Variants in SLC7A7 observed in about 807,000 individuals in gnomAD.
SLC7A7 encodes solute carrier family 7 member 7.
In SLC7A7, 39 loss-of-function variants were observed where a neutral mutation model predicts 47.9. The observed-to-expected ratio is 0.81, with a 90% CI of 0.63 to 1.06. The LOEUF is 1.06. Among genes scored for constraint, SLC7A7 ranks in the 50% least tolerant of loss-of-function variants. The pLI, the probability that SLC7A7 is intolerant of heterozygous loss-of-function variation, is 0.00. For missense variants in SLC7A7, 588 were observed against 632.0 expected (o/e 0.93, Z 0.75); for synonymous variants, 234 against 242.8 (o/e 0.96, Z 0.34).
At chr14:22,798,361 T>C (rs769787554) in intron 2 of SLC7A7, among the ~76,000 whole-genome samples, 2 of 151,960 alleles carry the variant, frequency 1.3e-5, no homozygotes, top group African/African-American at 4.8e-5. Flanking sequence ...AAGAGGAAAC[T>C]GAGGCTAATA....
In SLC7A7 at chr14:22,778,823, T is replaced by C. The variant is rs765105909; in HGVS notation, c.740A>G (p.Tyr247Cys). Residue 247 changes from tyrosine (Y) to cysteine (C), a missense_variant, in exon 4 of 10, where the codon TAT becomes TGT. Physicochemically the swap from Tyr to Cys is radical, Grantham distance 194. Transcript: ENST00000674313. ...FSYSGWDTLN[Y>C]VTEEIKNPER... ...AGGATTCTTGATCTCTTCAGTGACATAGTTGAGGGTGTCCCAGCCTGAGTA... is the reference window on the plus strand; with the variant it reads ...AGGATTCTTGATCTCTTCAGTGACACAGTTGAGGGTGTCCCAGCCTGAGTA... 4 of 1,614,056 alleles carry C rather than the reference T, an allele frequency of 2.5e-6. No homozygotes were observed. The highest frequency in any genetic ancestry group is 1.3e-5 in the African/African-American group (1 of 74,914).
intron 2 of SLC7A7, among the ~76,000 whole-genome samples, chr14:22,806,111 T>C: frequency 1.2e-5 from 1 of 82,058 alleles, no homozygotes. Flanking sequence ...ATAGCGAGAC[T>C]CTGTCTCAAA....
chr14:22,789,138 C>T (rs1366893640), intron 2 of SLC7A7, among the ~76,000 whole-genome samples: 1 of 152,202 alleles, frequency 6.6e-6, no homozygotes, highest in Non-Finnish European at 1.5e-5. Context: ...CCAGATTTAA[C>T]TTACAAGCCT....
chr14:22,786,926 AT>A, intron 2 of SLC7A7, among the ~76,000 whole-genome samples: 1 of 152,228 alleles, frequency 6.6e-6, no homozygotes, highest in East Asian at 1.9e-4. Context: ...ACACAGTAAG[AT>A]CCTTTCTCCA....
chr14:22,775,641 A>T (rs1201352075), intron 6 of SLC7A7, 101 bp from the exon 7 acceptor site: 6 of 1,066,302 alleles, frequency 5.6e-6, no homozygotes. Context: ...CCTTCCTTCA[A>T]AAGTATTTGG....
chr14:22,810,013 T>C (rs1202156015), intron 2 of SLC7A7, among the ~76,000 whole-genome samples: 1 of 111,564 alleles, frequency 9.0e-6, no homozygotes, highest in Non-Finnish European at 1.7e-5. Context: ...CACTCCAGCC[T>C]GGGCAACAAG....
chr14:22,792,283 C>A (rs551887175), intron 2 of SLC7A7, among the ~76,000 whole-genome samples: 1 of 152,300 alleles, frequency 6.6e-6, no homozygotes, highest in South Asian at 2.1e-4. Flanking sequence ...ACCTTTTACT[C>A]CAGGTGCAGT....
In SLC7A7 at chr14:22,788,735, C is replaced by T. The variant is rs115168652; in HGVS notation, c.500-8684G>A. ...AAAAAAAAAAAAAGTGAACAATCTA[C>T]GACTACAGACAAAAATACAGAAGAA... On this transcript the variant is annotated intron_variant, in intron 2 of 9. Coordinates refer to ENST00000674313, the MANE Select transcript of SLC7A7 (RefSeq NM_003982.4). 1.9e-3 allele frequency among the ~76,000 whole-genome samples: 287 copies of T among 149,590 alleles called. 3 individuals carry two copies. Among genetic ancestry groups the T allele is most frequent in the African/African-American group, 4.6e-3 (188 of 40,814 alleles).
chr14:22,780,068 ACT>A lies in SLC7A7; in HGVS notation c.500-19_500-18del. The A allele has an allele frequency of 1.2e-6, 2 of 1,613,696 alleles. No individual in the cohort carries two copies. The highest frequency in any genetic ancestry group is 1.7e-6 in the Non-Finnish European group (2 of 1,179,768). On this transcript the variant is annotated intron_variant, in intron 2 of 9. Transcript: ENST00000674313. Reference sequence around the variant, plus strand: ...TTAAGAGACCTGAAAGAAAAATAATACTGATTGGTGACTTACCCTTACCACCC... The same window carrying A: ...TTAAGAGACCTGAAAGAAAAATAATAGATTGGTGACTTACCCTTACCACCC...
At chr14:22,819,324 A>G (rs2039446160), upstream of SLC7A7, among the ~76,000 whole-genome samples, 1 of 151,054 alleles carries the variant, frequency 6.6e-6, no homozygotes, top group African/African-American at 2.4e-5. Flanking sequence ...AGATTTCCCC[A>G]TCACTCCAAG....
rs199558705 is a variant in SLC7A7, at chr14:22,788,705, GAA to G, written c.500-8656_500-8655del. ...GGCGACAGAGTGAGACTCTGTCTGG[GAA>G]AAAAAAAAAAAAAAAGTGAACAATC... On this transcript the variant is annotated intron_variant, in intron 2 of 9. Coordinates refer to ENST00000674313, the MANE Select transcript of SLC7A7 (RefSeq NM_003982.4). Among the ~76,000 whole-genome samples the G allele has an allele frequency of 4.0e-3, 471 of 118,798 alleles. 3 individuals carry two copies. Among genetic ancestry groups the G allele is most frequent in the African/African-American group, 0.013 (441 of 33,466 alleles). The allele number at this position is 118,798 out of a possible 152,430, so 77.9% of individuals were successfully genotyped here.
chr14:22,790,736 A>C (rs2038909303), intron 2 of SLC7A7, among the ~76,000 whole-genome samples: 1 of 152,140 alleles, frequency 6.6e-6, no homozygotes, highest in Non-Finnish European at 1.5e-5. Flanking sequence ...ACAGTGGCTC[A>C]TGCCTGTAAT....
intron 1 of SLC7A7, chr14:22,815,094 A>T (rs2039384891): frequency 2.9e-6 from 1 of 347,632 alleles, no homozygotes; most frequent in Admixed American, 3.8e-5. Context: ...TGCTGGAGAG[A>T]TATCACCCCG....
intron 5 of SLC7A7, 99 bp from the exon 6 acceptor site, chr14:22,776,035 T>C (rs2038598560): frequency 7.0e-7 from 1 of 1,421,672 alleles, no homozygotes; most frequent in East Asian, 2.3e-5. Flanking sequence ...TATTCCAACC[T>C]TTCTTCCACA....
chr14:22,781,205 C>G (rs2038713868), intron 2 of SLC7A7, among the ~76,000 whole-genome samples: 1 of 152,178 alleles, frequency 6.6e-6, no homozygotes, highest in African/African-American at 2.4e-5. Context: ...TAGTACAGTT[C>G]TTGCCTACTT....
At chr14:22,784,109 A>G (rs1210896512) in intron 2 of SLC7A7, among the ~76,000 whole-genome samples, 1 of 152,216 alleles carries the variant, frequency 6.6e-6, no homozygotes, top group African/African-American at 2.4e-5. Context: ...AGGGCCAAGG[A>G]CAGGAGGGGA....
At chr14:22,804,241 TA>T (rs1323710788) in intron 2 of SLC7A7, among the ~76,000 whole-genome samples, 3 of 152,006 alleles carry the variant, frequency 2.0e-5, no homozygotes, top group Non-Finnish European at 4.4e-5. Flanking sequence ...CCCAAAACTA[TA>T]AAAACCCTAG....
chr14:22,792,452 A>G (rs1280275079), intron 2 of SLC7A7, among the ~76,000 whole-genome samples: 1 of 152,106 alleles, frequency 6.6e-6, no homozygotes, highest in Non-Finnish European at 1.5e-5. Context: ...GGTCCTAGCT[A>G]CTTGGAAGGC....
Position 22,774,450 on chromosome 14 carries a change from G to C in SLC7A7, c.1149C>G (p.Asn383Lys). The C allele has an allele frequency of 6.2e-7, 1 of 1,614,160 alleles. No individual in the cohort carries two copies. The highest frequency in any genetic ancestry group is 1.3e-5 in the African/African-American group (1 of 75,032). The change falls in exon 8 of 10, where the codon AAC becomes AAG. Residue 383 changes from asparagine to lysine, a missense_variant. Transcript: ENST00000674313. ...LCVEDIFQLI[N>K]YYSFSYWFFV... ...AGAACCAGTAGCTGAAGCTGTAGTA[G>C]TTAATGAGCTGGAAGATGTCTTCCA...
Sources: gnomAD v4.1 joint callset for allele counts (sites outside exome capture counted in the v4.1 genomes callset) on GRCh38, gnomAD v4.1.1 for gene constraint, MANE v1.5 for transcripts, NCBI Gene and HGNC (gene_info 2026-07-23, HGNC 2026-07-21) for gene names.